The following TNS1 variants were observed in gnomAD, a reference collection of about 807,000 sequenced individuals.
TNS1 encodes tensin 1.
A neutral mutation model predicts 168.6 loss-of-function variants in TNS1; 62 were observed. That is an observed-to-expected ratio of 0.37 (90% confidence interval 0.30 to 0.45). The LOEUF is 0.45. Ranked by LOEUF, TNS1 falls within the 20% of genes least tolerant of loss-of-function variation. The pLI is 1.00. For synonymous variants in TNS1, 934 were observed against 933.2 expected, an observed-to-expected ratio of 1.00 and a Z score of -0.02; for missense variants, 2,240 against 2,339.4, an observed-to-expected ratio of 0.96 and a Z score of 0.88.
chr2:217,856,181 G>A (rs1342595040), intron 18 of TNS1, among the ~76,000 whole-genome samples: 1 of 152,196 alleles, frequency 6.6e-6, no homozygotes, highest in Non-Finnish European at 1.5e-5. Context: ...CAGGGGAAAT[G>A]GGGCGGCACA....
At chr2:217,833,216 G>A (rs768727087) in intron 21 of TNS1, among the ~76,000 whole-genome samples, 17 of 152,176 alleles carry the variant, frequency 1.1e-4, no homozygotes, top group African/African-American at 2.4e-4. Flanking sequence ...GAGGTGAAGC[G>A]GACGAGAGGA....
chr2:217,979,408 A>G (rs1161879373), intron 2 of TNS1, among the ~76,000 whole-genome samples: 1 of 152,014 alleles, frequency 6.6e-6, no homozygotes, highest in Non-Finnish European at 1.5e-5. Flanking sequence ...GCCCTGACTC[A>G]GGGCACCAAC....
At chr2:218,023,010 T>C (rs1033372979) in intron 1 of TNS1, among the ~76,000 whole-genome samples, 1 of 152,162 alleles carries the variant, frequency 6.6e-6, no homozygotes, top group Admixed American at 6.5e-5. Context: ...GACACTCCCC[T>C]CACGTGGCCT....
rs1194059698 is a variant in TNS1, at chr2:217,995,941, C to G, written c.34-4885G>C. On this transcript the variant is annotated intron_variant, in intron 1 of 32. Transcript: ENST00000682258. This position sits in a 1 kb window ranked among gnomAD's most constrained non-coding sequence, Gnocchi z 4.1. The stretch of plus-strand genomic sequence containing the variant: ...GCCCTCGGGGCTTCCTCTCCCTTCC[C>G]TCCTTCCATGCAGCCCAGCTTTCCT... 7.9e-5 allele frequency among the ~76,000 whole-genome samples: 12 copies of G among 152,372 alleles called. No individual in the cohort carries two copies. In the East Asian group the frequency reaches 1.9e-3, roughly 24 times the overall value.
In TNS1 at chr2:217,859,792, G is replaced by A. The variant is rs1008632082; in HGVS notation, c.1430-10705C>T. ...ACCACCCAGATCCGAGAGCCATGCA[G>A]CTGAAAGGCAGGTGAACGGCCCTCA... is the stretch of plus-strand genomic sequence containing the variant. On this transcript the variant is annotated intron_variant, in intron 18 of 32. Coordinates refer to ENST00000682258, the MANE Select transcript of TNS1 (RefSeq NM_001387777.1). 2.8e-6 allele frequency: 3 copies of A among 1,065,422 alleles called. No individual in the cohort carries two copies. The African/African-American group carries it at 4.7e-5, about 17-fold the overall frequency. 66.0% of individuals were successfully genotyped at this position (1,065,422 alleles called of 1,614,324 possible). A position where few individuals can be genotyped will look rare whatever the true frequency, so the allele number is the denominator to read the frequency against.
At chr2:218,016,787 G>A (rs569430264) in intron 1 of TNS1, among the ~76,000 whole-genome samples, 4 of 152,294 alleles carry the variant, frequency 2.6e-5, no homozygotes, top group East Asian at 1.9e-4. Flanking sequence ...GTGAGCAAGC[G>A]CCAAGCCAGT....
chr2:217,811,021 G>A (rs1381516803), intron 28 of TNS1, among the ~76,000 whole-genome samples: 2 of 152,052 alleles, frequency 1.3e-5, no homozygotes, highest in South Asian at 4.1e-4. Context: ...TGGGACTACA[G>A]GCATGAGCCA....
At chr2:217,850,664 G>A (rs924691261) in intron 18 of TNS1, 40 of 956,218 alleles carry the variant, frequency 4.2e-5, no homozygotes, top group South Asian at 2.0e-4. Context: ...CAGGCTCTCC[G>A]TTAGCAAGGA....
chr2:217,943,311 C>T (rs1475169175), intron 3 of TNS1, among the ~76,000 whole-genome samples: 1 of 152,158 alleles, frequency 6.6e-6, no homozygotes, highest in Non-Finnish European at 1.5e-5. Flanking sequence ...GCCAGCCCCT[C>T]CCTGCAGCCA....
intron 3 of TNS1, among the ~76,000 whole-genome samples, chr2:217,974,344 G>A (rs1370829653): frequency 2.0e-5 from 3 of 152,184 alleles, no homozygotes; most frequent in Admixed American, 2.0e-4. Flanking sequence ...GTTTTTGGGA[G>A]GGGTATTTAA....
Position 217,892,982 on chromosome 2 carries a change from C to T in TNS1, c.748G>A (p.Ala250Thr), listed in dbSNP as rs375621959. The stretch of plus-strand genomic sequence containing the variant: ...ATGTTGCTGTAGTGCATGTAAGCCG[C>T]GATGACAACTCCTATCCTGCCTCGG... ...GNRGRIGVVIAAYMHYSNISA... is the reference protein window; with the variant it reads ...GNRGRIGVVITAYMHYSNISA... Residue 250 changes from alanine to threonine, a missense_variant, in exon 11 of 33, where the codon GCG becomes ACG. By Grantham distance (58) the Ala-to-Thr change is moderately conservative (BLOSUM62 0). Coordinates refer to ENST00000682258, the MANE Select transcript of TNS1 (RefSeq NM_001387777.1). 5.1e-5 allele frequency: 83 copies of T among 1,614,050 alleles called. No homozygotes were observed. Among genetic ancestry groups the T allele is most frequent in the South Asian group, 6.6e-5 (6 of 91,082 alleles).
intron 16 of TNS1, among the ~76,000 whole-genome samples, chr2:217,884,756 T>A (rs1951031894): frequency 6.6e-6 from 1 of 152,060 alleles, no homozygotes; most frequent in Non-Finnish European, 1.5e-5. Context: ...GAGGACAAGA[T>A]GAAGGAGAGA....
intron 3 of TNS1, among the ~76,000 whole-genome samples, chr2:217,946,959 T>TCACACACA (rs1203032369): frequency 0.049 from 6,224 of 127,744 alleles, 158 homozygotes; most frequent in African/African-American, 0.093. Context: ...TCTCTCTCTC[T>TCACACACA]CTCTCTCTCT....
Position 217,818,535 on chromosome 2 carries a change from G to A in TNS1, c.3797C>T (p.Ala1266Val). 6.2e-7 allele frequency: 1 copy of A among 1,614,242 alleles called. No individual in the cohort carries two copies. Residue 1266 changes from alanine (A) to valine (V), a missense_variant, in exon 24 of 33, where the codon GCT becomes GTT. Coordinates refer to ENST00000682258, the MANE Select transcript of TNS1 (RefSeq NM_001387777.1). ...QHFSSSPESQ[A>V]RAQFSVAGVH... ...GCCAGCCACACTGAACTGAGCTCGA[G>A]CCTGGCTTTCCGGAGAGGAGCTGAA...
intron 6 of TNS1, among the ~76,000 whole-genome samples, chr2:217,900,866 A>T (rs891970708): frequency 6.6e-6 from 1 of 152,288 alleles, no homozygotes; most frequent in South Asian, 2.1e-4. Context: ...AACACAAGAG[A>T]AACCCCAGGA....
chr2:217,827,155 G>A (rs1234908951), intron 22 of TNS1, among the ~76,000 whole-genome samples: 1 of 152,072 alleles, frequency 6.6e-6, no homozygotes, highest in Non-Finnish European at 1.5e-5. Context: ...CTCACCAGCT[G>A]CCTTAACACA....
At chr2:217,821,977 G>A (rs1320069337) in intron 22 of TNS1, 39 bp from the exon 23 acceptor site, 1 of 1,540,082 alleles carries the variant, frequency 6.5e-7, no homozygotes, top group Non-Finnish European at 8.8e-7. Context: ...GAGCACAGAT[G>A]CACAGGGGTG....
At chr2:217,946,204 C>T (rs900146045) in intron 3 of TNS1, among the ~76,000 whole-genome samples, 1 of 152,198 alleles carries the variant, frequency 6.6e-6, no homozygotes, top group Non-Finnish European at 1.5e-5. Context: ...AGAAGCCATC[C>T]TCCCTGGATC....
At position 217,883,939 on chromosome 2, in the gene TNS1, G is replaced by T. The variant is rs542042318; in HGVS notation, c.1246+1096C>A. Among the ~76,000 whole-genome samples, 9 of 152,322 alleles carry T rather than the reference G, an allele frequency of 5.9e-5. No individual in the cohort carries two copies. The East Asian group carries it at 1.3e-3, about 23-fold the overall frequency. On this transcript the variant is annotated intron_variant, in intron 16 of 32. Coordinates refer to ENST00000682258, the MANE Select transcript of TNS1 (RefSeq NM_001387777.1). ...AGAAGTTACAGCAAGGATGGCATCT[G>T]CTCCATGGGACACCTATCATGCTTG...
Sources: gnomAD v4.1 joint callset for allele counts (sites outside exome capture counted in the v4.1 genomes callset) on GRCh38, gnomAD v4.1.1 for gene constraint, Gnocchi (gnomAD v3.1) non-coding constraint, MANE v1.5 for transcripts, NCBI Gene and HGNC (gene_info 2026-07-23, HGNC 2026-07-21) for gene names.